Variants in ZNF367 observed in about 807,000 individuals in gnomAD.
The protein encoded by ZNF367 is C2H2 zinc finger protein ZFF29.
A neutral mutation model predicts 31.8 loss-of-function variants in ZNF367; 11 were observed. That is an observed-to-expected ratio of 0.35 (90% CI 0.22 to 0.57). ZNF367 has a LOEUF of 0.57. Ranked by LOEUF, ZNF367 falls within the 20% of genes least tolerant of loss-of-function variation. The pLI, the probability that ZNF367 is intolerant of heterozygous loss-of-function variation, is 0.85. For synonymous variants in ZNF367, 199 were observed against 202.4 expected (o/e 0.98, Z 0.14); for missense variants, 353 against 484.1 (o/e 0.73, Z 2.54).
At chr9:96,401,183 G>A (rs996513090) in intron 1 of ZNF367, among the ~76,000 whole-genome samples, 11 of 151,802 alleles carry the variant, frequency 7.2e-5, no homozygotes, top group African/African-American at 1.7e-4. Flanking sequence ...CCATGATCGC[G>A]CCACTGGACT....
chr9:96,407,028 A>G (rs1393365462), intron 1 of ZNF367, among the ~76,000 whole-genome samples: 2 of 141,698 alleles, frequency 1.4e-5, no homozygotes, highest in African/African-American at 2.6e-5. Flanking sequence ...AAAAAAAAAA[A>G]GAACGTGGGG....
chr9:96,393,236 T>C (rs1183267132), intron 3 of ZNF367, among the ~76,000 whole-genome samples: 1 of 151,700 alleles, frequency 6.6e-6, no homozygotes, highest in African/African-American at 2.4e-5. Flanking sequence ...ACAAATTAAA[T>C]ATTCAGACCA....
In ZNF367 at chr9:96,390,449, G is replaced by C. The variant is rs1028789353; in HGVS notation, c.830+1949C>G. 2.6e-5 allele frequency among the ~76,000 whole-genome samples: 4 copies of C among 152,278 alleles called. No homozygotes were observed. The South Asian group carries it at 8.3e-4, about 32-fold the overall frequency. On this transcript the variant is annotated intron_variant, in intron 4 of 4. Coordinates refer to ENST00000375256, the MANE Select transcript of ZNF367 (RefSeq NM_153695.4). ...TTTGAATTCCATAATAAAGGGTTTA[G>C]GCTTTAGACTGAGGATCATACTGAC... is the stretch of plus-strand genomic sequence containing the variant.
chr9:96,406,713 C>T (rs796798664), intron 1 of ZNF367, among the ~76,000 whole-genome samples: 8 of 151,996 alleles, frequency 5.3e-5, no homozygotes, highest in African/African-American at 1.9e-4. Flanking sequence ...TGATTAAGAC[C>T]GTGGGGGCCG....
At chr9:96,408,226 T>A (rs975409090) in intron 1 of ZNF367, among the ~76,000 whole-genome samples, 1 of 151,252 alleles carries the variant, frequency 6.6e-6, no homozygotes, top group Non-Finnish European at 1.5e-5. Flanking sequence ...AAATAAATAA[T>A]AAATATTTTT....
chr9:96,409,465 T>C (rs531530969), intron 1 of ZNF367, among the ~76,000 whole-genome samples: 1 of 152,358 alleles, frequency 6.6e-6, no homozygotes, highest in South Asian at 2.1e-4. Flanking sequence ...GATTGCCATC[T>C]TGAAGTTGCA....
chr9:96,413,643 T>C (rs1831781209), intron 1 of ZNF367, among the ~76,000 whole-genome samples: 1 of 152,180 alleles, frequency 6.6e-6, no homozygotes, highest in Non-Finnish European at 1.5e-5. Context: ...CAGTTAGACC[T>C]GCTTTCTTCC....
intron 1 of ZNF367, among the ~76,000 whole-genome samples, chr9:96,415,053 ATT>A (rs566763002): frequency 4.2e-5 from 6 of 142,512 alleles, no homozygotes; most frequent in East Asian, 2.0e-4. Context: ...ACCCATCCAA[ATT>A]TTTTTTTTTT....
intron 1 of ZNF367, among the ~76,000 whole-genome samples, chr9:96,415,749 T>G (rs1483987770): frequency 6.6e-6 from 1 of 152,052 alleles, no homozygotes; most frequent in East Asian, 1.9e-4. Flanking sequence ...TCCACCCGCC[T>G]CAGCCTCCCA....
At chr9:96,392,643 AAATTTAGGATCTAT>A in intron 3 of ZNF367, 107 bp from the exon 4 acceptor site, 2 of 1,438,664 alleles carry the variant, frequency 1.4e-6, no homozygotes, top group Non-Finnish European at 1.9e-6. Flanking sequence ...TAATATGGTG[AAATTTAGGATCTAT>A]AATTTGGAGG....
chr9:96,400,296 G>C lies in ZNF367; in HGVS notation c.421-1982C>G, dbSNP rs562403323. Reference sequence around the variant, plus strand: ...TCTCCCAAGCTACTTGGGAGGCTGAGGTGGGAGAATTACTTGACCCTGCAA... The same window carrying C: ...TCTCCCAAGCTACTTGGGAGGCTGACGTGGGAGAATTACTTGACCCTGCAA... On this transcript the variant is annotated intron_variant, in intron 1 of 4. Coordinates refer to ENST00000375256, the MANE Select transcript of ZNF367 (RefSeq NM_153695.4). 2.0e-4 allele frequency among the ~76,000 whole-genome samples: 30 copies of C among 151,182 alleles called. No homozygotes were observed. The South Asian group carries it at 6.0e-3, about 30-fold the overall frequency.
At chr9:96,399,828 AAAAC>A (rs767604027) in intron 1 of ZNF367, among the ~76,000 whole-genome samples, 34 of 152,154 alleles carry the variant, frequency 2.2e-4, no homozygotes, top group African/African-American at 4.8e-4. Flanking sequence ...AAAAAAACAA[AAAAC>A]AAACAAACAA....
In ZNF367 at chr9:96,386,159, A is replaced by G. The variant is rs995357243; in HGVS notation, c.*2078T>C. ...TCCAAGTATATAGCTTATATCAAAA[A>G]GAACATTTTAAATGTTTCTAAATAG... is the stretch of plus-strand genomic sequence containing the variant. On this transcript the variant is annotated 3_prime_UTR_variant, in exon 5 of 5. Coordinates refer to ENST00000375256, the MANE Select transcript of ZNF367 (RefSeq NM_153695.4). 1.3e-5 allele frequency: 2 copies of G among 152,204 alleles called. No homozygotes were observed. Among genetic ancestry groups the G allele is most frequent in the Non-Finnish European group, 2.9e-5 (2 of 68,026 alleles). 9.4% of individuals were successfully genotyped at this position (152,204 alleles called of 1,614,324 possible).
chr9:96,396,280 A>AG lies in ZNF367; in HGVS notation c.572-1339dup, dbSNP rs569295051. ...TCTACGGCCTACAAACCAGTTATCC[A>AG]GGGGATATTTTAGAATATTTAGATT... On this transcript the variant is annotated intron_variant, in intron 2 of 4. Transcript: ENST00000375256. 2.0e-3 allele frequency among the ~76,000 whole-genome samples: 305 copies of AG among 152,286 alleles called. 1 individual carries two copies. The highest frequency in any genetic ancestry group is 6.8e-3 in the Middle Eastern group (2 of 294).
At chr9:96,394,586 G>A (rs940199027) in intron 3 of ZNF367, among the ~76,000 whole-genome samples, 1 of 152,142 alleles carries the variant, frequency 6.6e-6, no homozygotes, top group Admixed American at 6.5e-5. Flanking sequence ...AGTATCTCAT[G>A]TACCCTGTAA....
chr9:96,411,245 T>G (rs1257659083), intron 1 of ZNF367, among the ~76,000 whole-genome samples: 1 of 152,040 alleles, frequency 6.6e-6, no homozygotes, highest in East Asian at 1.9e-4. Context: ...CCTTTCCTAG[T>G]ATTTTTACAT....
intron 1 of ZNF367, among the ~76,000 whole-genome samples, chr9:96,399,909 T>C (rs1469415486): frequency 6.6e-6 from 1 of 152,048 alleles, no homozygotes; most frequent in Admixed American, 6.5e-5. Flanking sequence ...ACACAGAATT[T>C]AGAAAGAGTT....
rs545308404 is a variant in ZNF367, at chr9:96,389,999, A to C, written c.831-1540T>G. On this transcript the variant is annotated intron_variant, in intron 4 of 4. Transcript: ENST00000375256. ...TACCATGTTGACCAGGCTGGTCTTG[A>C]TCTCCCGACCTCAGGTGATCTGCCT... Among the ~76,000 whole-genome samples the C allele has an allele frequency of 7.8e-5, 11 of 140,922 alleles. No individual in the cohort carries two copies. In the South Asian group the frequency reaches 2.0e-3, roughly 25 times the overall value. The allele number at this position is 140,922 out of a possible 152,430, so 92.5% of individuals were successfully genotyped here.
rs374225800 is a variant in ZNF367 at position 96,417,718 on chromosome 9, C to T, written c.315G>A (p.Gly105=). Residue 105 remains glycine (G), a synonymous_variant, in exon 1 of 5, where the codon GGG becomes GGA. Coordinates refer to ENST00000375256, the MANE Select transcript of ZNF367 (RefSeq NM_153695.4). The surrounding 1 kb of genome is among the most constrained non-coding windows in gnomAD (Gnocchi z 5.0). The part of the protein sequence containing the change: ...LPAAAAAEHS[G]LRGRGAPPPA... ...GCGGGGGCGCGCCCCGGCCACGAAG[C>T]CCCGAGTGCTCGGCGGCTGCGGCTG... 5 of 1,215,750 alleles carry T rather than the reference C, an allele frequency of 4.1e-6. No homozygotes were observed. Among genetic ancestry groups the T allele is most frequent in the East Asian group, 6.5e-5 (2 of 30,988 alleles). 75.3% of individuals were successfully genotyped at this position (1,215,750 alleles called of 1,614,324 possible).
Sources: allele counts gnomAD v4.1 joint callset (sites outside exome capture counted in the v4.1 genomes callset), GRCh38; gene constraint gnomAD v4.1.1; non-coding constraint Gnocchi (gnomAD v3.1); transcripts MANE v1.5; gene names NCBI Gene and HGNC (gene_info 2026-07-23, HGNC 2026-07-21).